Variants in GARNL3 observed in about 807,000 individuals in gnomAD.
GARNL3 encodes GTPase-activating Rap/Ran-GAP domain-like protein 3.
A neutral mutation model predicts 125.0 loss-of-function variants in GARNL3; 63 were observed. The observed-to-expected ratio is 0.50, with a 90% confidence interval of 0.41 to 0.62. The LOEUF (loss-of-function observed/expected upper bound fraction) is 0.62, where lower values mean the gene tolerates loss of function less well. Ranked by LOEUF, GARNL3 falls within the 20% of genes least tolerant of loss-of-function variation. GARNL3 has a pLI of 0.00. For missense variants in GARNL3, 994 were observed against 1,244.0 expected (o/e 0.80, Z 3.02); for synonymous variants, 439 against 457.5 (o/e 0.96, Z 0.52).
intron 2 of GARNL3, among the ~76,000 whole-genome samples, chr9:127,305,958 C>A (rs1248751903): frequency 6.6e-6 from 1 of 152,076 alleles, no homozygotes; most frequent in African/African-American, 2.4e-5. Flanking sequence ...ATTCAGCATG[C>A]CAGTGCCTCT....
chr9:127,333,527 T>G (rs779222971), intron 9 of GARNL3, among the ~76,000 whole-genome samples: 6 of 152,100 alleles, frequency 3.9e-5, no homozygotes, highest in Non-Finnish European at 7.4e-5. Context: ...AGAAGGCAAC[T>G]GAGAAGAAAA....
At chr9:127,377,805 A>G (rs1171234336) in intron 22 of GARNL3, among the ~76,000 whole-genome samples, 2 of 151,936 alleles carry the variant, frequency 1.3e-5, no homozygotes, top group Non-Finnish European at 2.9e-5. Context: ...AAAAAAAAAA[A>G]AAAAAAAATG....
chr9:127,353,967 A>T (rs576280835), intron 18 of GARNL3, 23 bp downstream of exon 18: 1 of 1,521,792 alleles, frequency 6.6e-7, no homozygotes, highest in East Asian at 2.3e-5. Flanking sequence ...GCCGGGTGGC[A>T]TGCTGTGGAG....
chr9:127,326,666 G>C (rs928434764), intron 7 of GARNL3, among the ~76,000 whole-genome samples: 12 of 152,146 alleles, frequency 7.9e-5, no homozygotes, highest in Non-Finnish European at 1.5e-4. Flanking sequence ...ACTATGGTCT[G>C]AATGCTTGTG....
chr9:127,264,730 G>C, upstream of GARNL3: 2 of 1,253,616 alleles, frequency 1.6e-6, no homozygotes, highest in Non-Finnish European at 2.0e-6. Flanking sequence ...TACTTCCAGG[G>C]ATGACTCTGG....
chr9:127,346,859 T>C (rs924968796), intron 16 of GARNL3, among the ~76,000 whole-genome samples: 2 of 152,172 alleles, frequency 1.3e-5, no homozygotes, highest in African/African-American at 4.8e-5. Flanking sequence ...GCTGTGGTCA[T>C]GTTCTTAGAG....
chr9:127,246,487 T>C (rs972796986), intron 2 of GARNL3, among the ~76,000 whole-genome samples: 1 of 151,892 alleles, frequency 6.6e-6, no homozygotes, highest in East Asian at 1.9e-4. Context: ...AAATATAAGA[T>C]AGAATAAAGC....
chr9:127,349,064 C>A, intron 17 of GARNL3, 29 bp downstream of exon 17: 1 of 1,469,902 alleles, frequency 6.8e-7, no homozygotes, highest in African/African-American at 1.4e-5. Flanking sequence ...CTACAAATGT[C>A]TTTTTCATGT....
At chr9:127,341,294 G>A (rs1293980793) in intron 13 of GARNL3, among the ~76,000 whole-genome samples, 1 of 152,332 alleles carries the variant, frequency 6.6e-6, no homozygotes, top group Non-Finnish European at 1.5e-5. Context: ...TGCCTGGAGA[G>A]CCAGGCAGGG....
At chr9:127,390,441 G>A (rs971620397) in intron 26 of GARNL3, among the ~76,000 whole-genome samples, 200 bp from the exon 27 acceptor site, 1 of 152,146 alleles carries the variant, frequency 6.6e-6, no homozygotes, top group South Asian at 2.1e-4. Flanking sequence ...TTTTTGCAAA[G>A]TGTGTATACT....
chr9:127,236,923 C>T (rs1165200548), intron 1 of GARNL3, among the ~76,000 whole-genome samples: 1 of 152,232 alleles, frequency 6.6e-6, no homozygotes, highest in East Asian at 1.9e-4. Context: ...CTACTCTGCG[C>T]TCTGCACAGG....
At chr9:127,226,456 A>G (rs1275087131) in intron 1 of GARNL3, among the ~76,000 whole-genome samples, 1 of 152,012 alleles carries the variant, frequency 6.6e-6, no homozygotes, top group Admixed American at 6.5e-5. Context: ...TGTCCTGGTC[A>G]CCCCTGGGTG....
At chr9:127,233,458 G>GA (rs35175063) in intron 1 of GARNL3, among the ~76,000 whole-genome samples, 9 of 151,774 alleles carry the variant, frequency 5.9e-5, no homozygotes, top group African/African-American at 1.9e-4. Flanking sequence ...TGGGTTGGTA[G>GA]AAAAAAAAGT....
At chr9:127,311,058 A>T (rs1360563264) in intron 2 of GARNL3, among the ~76,000 whole-genome samples, 1 of 152,278 alleles carries the variant, frequency 6.6e-6, no homozygotes, top group East Asian at 1.9e-4. Context: ...CAAAAATTGG[A>T]AGCAGCCTAA....
chr9:127,353,746 A>G, intron 17 of GARNL3, 100 bp from the exon 18 acceptor site: 2 of 787,524 alleles, frequency 2.5e-6, no homozygotes, highest in Non-Finnish European at 2.3e-6. Flanking sequence ...TTCCTTGCCT[A>G]GAGATAACTT....
chr9:127,316,510 C>T (rs2065243671), intron 4 of GARNL3, among the ~76,000 whole-genome samples: 1 of 152,136 alleles, frequency 6.6e-6, no homozygotes, highest in Non-Finnish European at 1.5e-5. Flanking sequence ...AGGCTGGAGC[C>T]AGTTAAAAAG....
At chr9:127,369,600 C>T (rs895428593) in intron 22 of GARNL3, among the ~76,000 whole-genome samples, 2 of 152,274 alleles carry the variant, frequency 1.3e-5, no homozygotes, top group South Asian at 2.1e-4. Context: ...GAGAGGGACC[C>T]TTGGACCCAG....
At chr9:127,321,541 G>A (rs2065403098) in intron 6 of GARNL3, among the ~76,000 whole-genome samples, 1 of 152,204 alleles carries the variant, frequency 6.6e-6, no homozygotes, top group African/African-American at 2.4e-5. Context: ...AGCCATTCCT[G>A]TTTTCTTAGG....
At chr9:127,289,146 C>T (rs1003458843) in intron 1 of GARNL3, among the ~76,000 whole-genome samples, 5 of 152,152 alleles carry the variant, frequency 3.3e-5, no homozygotes, top group Admixed American at 6.5e-5. Context: ...CCTGTGAAAA[C>T]GGCAGTGACC....
Sources: allele counts gnomAD v4.1 joint callset (sites outside exome capture counted in the v4.1 genomes callset), GRCh38; gene constraint gnomAD v4.1.1; transcripts MANE v1.5; gene names NCBI Gene and HGNC (gene_info 2026-07-23, HGNC 2026-07-21).